CHKA: variants seen among roughly 807,000 people sequenced by gnomAD.
CHKA encodes CHETK-alpha.
A neutral mutation model predicts 60.1 loss-of-function variants in CHKA; 34 were observed. The observed-to-expected ratio is 0.57, with a 90% CI of 0.43 to 0.75. CHKA has a LOEUF of 0.75. Ranked by LOEUF, CHKA falls within the 30% of genes least tolerant of loss-of-function variation. The pLI is 0.00. For missense variants in CHKA, 563 were observed against 561.3 expected, an observed-to-expected ratio of 1.00 and a Z score of -0.03; for synonymous variants, 217 against 223.1, an observed-to-expected ratio of 0.97 and a Z score of 0.24.
intron 9 of CHKA, among the ~76,000 whole-genome samples, 191 bp downstream of exon 9, chr11:68,065,595 G>A (rs899422831): frequency 6.6e-6 from 1 of 152,086 alleles, no homozygotes; most frequent in African/African-American, 2.4e-5. Context: ...CAGCTACTTG[G>A]GGGGCTGAGG....
At chr11:68,064,052 A>G (rs1315087969) in intron 10 of CHKA, among the ~76,000 whole-genome samples, 1 of 152,216 alleles carries the variant, frequency 6.6e-6, no homozygotes, top group Non-Finnish European at 1.5e-5. Flanking sequence ...AGTCTCGGCC[A>G]CAATGGAGAA....
chr11:68,101,516 G>A (rs1013595579), intron 1 of CHKA, among the ~76,000 whole-genome samples: 1 of 152,010 alleles, frequency 6.6e-6, no homozygotes, highest in Non-Finnish European at 1.5e-5. Context: ...ATTTCTAAAC[G>A]GGAGGCTCAG....
chr11:68,074,578 A>G (rs1484022092), intron 4 of CHKA, 139 bp downstream of exon 4: 1 of 721,430 alleles, frequency 1.4e-6, no homozygotes, highest in Non-Finnish European at 2.4e-6. Flanking sequence ...GTTGCTTTTC[A>G]TGATTTCTGA....
At chr11:68,087,863 A>C (rs925229524) in intron 2 of CHKA, among the ~76,000 whole-genome samples, 5 of 152,194 alleles carry the variant, frequency 3.3e-5, no homozygotes, top group African/African-American at 1.2e-4. Context: ...CTGTAATCCC[A>C]GCACGTTGGG....
At chr11:68,101,892 G>A (rs773104651) in intron 1 of CHKA, among the ~76,000 whole-genome samples, 32 of 152,078 alleles carry the variant, frequency 2.1e-4, no homozygotes, top group Non-Finnish European at 3.7e-4. Context: ...CTGAGGCCAG[G>A]AGTTCAAGAC....
At chr11:68,081,591 G>A in intron 2 of CHKA, 134 bp from the exon 3 acceptor site, 1 of 653,320 alleles carries the variant, frequency 1.5e-6, no homozygotes. Context: ...GCCCACCGAT[G>A]TGACGGGCAG....
intron 1 of CHKA, among the ~76,000 whole-genome samples, chr11:68,118,121 T>C (rs1017615072): frequency 1.3e-5 from 2 of 152,132 alleles, no homozygotes; most frequent in African/African-American, 4.8e-5. Flanking sequence ...GCAGATGCAC[T>C]GGCACTCAGT....
chr11:68,098,767 C>T (rs1057320965), intron 1 of CHKA, among the ~76,000 whole-genome samples: 2 of 151,974 alleles, frequency 1.3e-5, no homozygotes, highest in African/African-American at 4.8e-5. Context: ...AATCTCGGCT[C>T]ACTGCAACCT....
chr11:68,061,069 T>C (rs1238985669), intron 11 of CHKA, among the ~76,000 whole-genome samples: 1 of 147,132 alleles, frequency 6.8e-6, no homozygotes, highest in Non-Finnish European at 1.5e-5. Flanking sequence ...AGGTTAAAAA[T>C]ACTTTCTATT....
At chr11:68,079,735 C>T (rs1856915016) in intron 3 of CHKA, among the ~76,000 whole-genome samples, 1 of 152,098 alleles carries the variant, frequency 6.6e-6, no homozygotes, top group African/African-American at 2.4e-5. Context: ...CTGAAATCGG[C>T]CGGGCGATTT....
At chr11:68,118,179 G>C (rs1356253669) in intron 1 of CHKA, among the ~76,000 whole-genome samples, 2 of 152,114 alleles carry the variant, frequency 1.3e-5, no homozygotes, top group Non-Finnish European at 2.9e-5. Context: ...TGGTGGCTCA[G>C]GTCTAAAATC....
chr11:68,115,957 T>A (rs2079615913), intron 1 of CHKA, among the ~76,000 whole-genome samples: 3 of 152,140 alleles, frequency 2.0e-5, no homozygotes. Flanking sequence ...TCCAAAAAAA[T>A]TATGATGGCA....
At chr11:68,065,013 G>A (rs537416325) in intron 9 of CHKA, among the ~76,000 whole-genome samples, 1 of 152,286 alleles carries the variant, frequency 6.6e-6, no homozygotes, top group East Asian at 1.9e-4. Context: ...AAAGATCTCA[G>A]GAGGAAATTC....
At chr11:68,105,641 T>C (rs1857888952) in intron 1 of CHKA, among the ~76,000 whole-genome samples, 1 of 152,198 alleles carries the variant, frequency 6.6e-6, no homozygotes, top group Admixed American at 6.5e-5. Context: ...ACGGGGATAT[T>C]TTGGGATTCA....
At chr11:68,061,112 T>G (rs976202526) in intron 11 of CHKA, among the ~76,000 whole-genome samples, 3 of 143,732 alleles carry the variant, frequency 2.1e-5, no homozygotes, top group Non-Finnish European at 4.6e-5. Flanking sequence ...TTTTTTTTTT[T>G]TTTTTTTTTT....
intron 1 of CHKA, among the ~76,000 whole-genome samples, chr11:68,119,318 C>T (rs768274398): frequency 6.6e-6 from 1 of 152,102 alleles, no homozygotes; most frequent in Non-Finnish European, 1.5e-5. Context: ...GCTGCATTAG[C>T]GGCTCTGGTG....
At chr11:68,083,195 G>A (rs897328485) in intron 2 of CHKA, among the ~76,000 whole-genome samples, 5 of 152,078 alleles carry the variant, frequency 3.3e-5, no homozygotes, top group Admixed American at 6.6e-5. Flanking sequence ...TGAACACTCC[G>A]GAGTGGTATA....
chr11:68,084,070 C>T (rs1416907881), intron 2 of CHKA, among the ~76,000 whole-genome samples: 1 of 151,576 alleles, frequency 6.6e-6, no homozygotes, highest in Non-Finnish European at 1.5e-5. Flanking sequence ...CATGGTGAAA[C>T]TCCAACTCTA....
rs1858644953 is a variant in CHKA, at chr11:68,121,319, G to GGCGGCGGCTGCGGCGACT, written c.-160_-143dup. Reference sequence around the variant, plus strand: ...GCGGCGGTTGGGCGCGCGGGGCGGCGGCGGCGGCTGCGGCGACTGCGGCGA... The same window carrying GGCGGCGGCTGCGGCGACT: ...GCGGCGGTTGGGCGCGCGGGGCGGCGGCGGCGGCTGCGGCGACTGCGGCGGCTGCGGCGACTGCGGCGA... On this transcript the variant is annotated 5_prime_UTR_variant, in exon 1 of 12. Coordinates refer to ENST00000265689, the MANE Select transcript of CHKA (RefSeq NM_001277.3). 3.1e-6 allele frequency: 1 copy of GGCGGCGGCTGCGGCGACT among 318,958 alleles called. No homozygotes were observed. Among genetic ancestry groups the GGCGGCGGCTGCGGCGACT allele is most frequent in the Admixed American group, 1.1e-4 (1 of 8,766 alleles). 19.8% of individuals were successfully genotyped at this position (318,958 alleles called of 1,614,324 possible). A position where few individuals can be genotyped will look rare whatever the true frequency, so the allele number is the denominator to read the frequency against.
Sources: gnomAD v4.1 joint callset for allele counts (sites outside exome capture counted in the v4.1 genomes callset) on GRCh38, gnomAD v4.1.1 for gene constraint, MANE v1.5 for transcripts, NCBI Gene and HGNC (gene_info 2026-07-23, HGNC 2026-07-21) for gene names.